Variants in COL28A1 observed in about 807,000 individuals in gnomAD.
COL28A1 encodes collagen type XXVIII alpha 1 chain.
Under a neutral mutation model 150.2 loss-of-function variants are expected in COL28A1, and 161 were observed. The observed-to-expected ratio is 1.07, with a 90% CI of 0.94 to 1.22. The LOEUF is 1.22. COL28A1 is among the 50% of genes most tolerant of loss of function. The probability of loss-of-function intolerance (pLI) is 0.00; values close to 1 mark genes in which losing one functional copy is unlikely to be tolerated. For missense variants in COL28A1, 1,617 were observed against 1,388.3 expected, an observed-to-expected ratio of 1.16 and a Z score of -2.62; for synonymous variants, 552 against 469.7, an observed-to-expected ratio of 1.18 and a Z score of -2.26.
intron 7 of COL28A1, 39 bp from the exon 8 acceptor site, chr7:7,515,879 C>G (rs746335222): frequency 2.3e-6 from 2 of 856,480 alleles, no homozygotes; most frequent in Non-Finnish European, 2.0e-6. Flanking sequence ...ATATGATACT[C>G]TGAGGCAGAA....
intron 27 of COL28A1, among the ~76,000 whole-genome samples, chr7:7,413,420 A>C (rs1783893653): frequency 6.6e-6 from 1 of 152,194 alleles, no homozygotes; most frequent in Admixed American, 6.5e-5. Flanking sequence ...ACTCTTCACC[A>C]AACTTCTGGT....
chr7:7,395,896 T>A (rs572082673), intron 27 of COL28A1, among the ~76,000 whole-genome samples: 1 of 152,316 alleles, frequency 6.6e-6, no homozygotes, highest in African/African-American at 2.4e-5. Flanking sequence ...TTGAAAGTGG[T>A]GTGTGAAAGC....
At chr7:7,391,796 C>A (rs1483755960) in intron 27 of COL28A1, among the ~76,000 whole-genome samples, 1 of 113,412 alleles carries the variant, frequency 8.8e-6, no homozygotes, top group East Asian at 2.6e-4. Context: ...GGATTGCAAC[C>A]CCTGCTTTTT....
At chr7:7,542,560 GAC>G in the COL28A1 span, among the ~76,000 whole-genome samples, 1 of 152,178 alleles carries the variant, frequency 6.6e-6, no homozygotes, top group Non-Finnish European at 1.5e-5. Context: ...CTATAAAAGA[GAC>G]TTACACAGAG....
chr7:7,386,240 G>A (rs898817650), intron 27 of COL28A1, among the ~76,000 whole-genome samples: 4 of 152,132 alleles, frequency 2.6e-5, no homozygotes, highest in Admixed American at 6.6e-5. Flanking sequence ...TGATACGTCA[G>A]GAAACAATGA....
At chr7:7,485,421 T>C (rs1330983162) in intron 13 of COL28A1, among the ~76,000 whole-genome samples, 2 of 152,188 alleles carry the variant, frequency 1.3e-5, no homozygotes, top group Non-Finnish European at 2.9e-5. Context: ...CTTGTCTCTT[T>C]ATACCCTTAA....
chr7:7,390,691 G>C (rs1447631185), intron 27 of COL28A1, among the ~76,000 whole-genome samples: 5 of 152,126 alleles, frequency 3.3e-5, no homozygotes, highest in African/African-American at 4.8e-5. Context: ...TCTGTTCGAG[G>C]ATTCAACTTC....
At chr7:7,464,570 C>T (rs1787912488) in intron 15 of COL28A1, among the ~76,000 whole-genome samples, 1 of 152,142 alleles carries the variant, frequency 6.6e-6, no homozygotes, top group Non-Finnish European at 1.5e-5. Context: ...ATCACTGGGT[C>T]AAAAATGAAA....
intron 13 of COL28A1, among the ~76,000 whole-genome samples, chr7:7,483,867 A>G (rs1021013314): frequency 1.3e-5 from 2 of 152,170 alleles, no homozygotes; most frequent in Non-Finnish European, 2.9e-5. Flanking sequence ...CAGATTTTAA[A>G]AAATAACTAA....
At chr7:7,429,939 T>C (rs1313262562) in intron 25 of COL28A1, among the ~76,000 whole-genome samples, 1 of 152,144 alleles carries the variant, frequency 6.6e-6, no homozygotes, top group Admixed American at 6.5e-5. Flanking sequence ...TATTAGCCAT[T>C]TCAAAAAAAA....
At chr7:7,344,513 C>T in the COL28A1 span, among the ~76,000 whole-genome samples, 1 of 152,192 alleles carries the variant, frequency 6.6e-6, no homozygotes, top group East Asian at 1.9e-4. Flanking sequence ...AAATTTGCAA[C>T]AATATAGTTT....
intron 15 of COL28A1, among the ~76,000 whole-genome samples, chr7:7,472,111 C>A (rs755278839): frequency 6.6e-6 from 1 of 152,124 alleles, no homozygotes; most frequent in African/African-American, 2.4e-5. Flanking sequence ...AGAACTGGAA[C>A]AAGACAAGGA....
chr7:7,486,854 A>G (rs1290432878), intron 13 of COL28A1, among the ~76,000 whole-genome samples: 1 of 152,160 alleles, frequency 6.6e-6, no homozygotes, highest in East Asian at 1.9e-4. Flanking sequence ...GCATGTTGTT[A>G]AGAATTTTTA....
Position 7,374,667 on chromosome 7 carries a change from A to C in COL28A1, c.2359+794T>G, listed in dbSNP as rs374925992. Among the ~76,000 whole-genome samples, 129 of 152,296 alleles carry C rather than the reference A, an allele frequency of 8.5e-4. 3 individuals carry two copies. In the South Asian group the frequency reaches 0.025, roughly 30 times the overall value. ...CTTCCTGTTGTTCAACAAGCCTGCC[A>C]CAGAAAACCATCAGGAAATCATGTG... is the stretch of plus-strand genomic sequence containing the variant. On this transcript the variant is annotated intron_variant, in intron 31 of 34. Coordinates refer to ENST00000399429, the MANE Select transcript of COL28A1 (RefSeq NM_001037763.3).
intron 13 of COL28A1, among the ~76,000 whole-genome samples, chr7:7,483,206 T>TAA (rs962619364): frequency 3.4e-4 from 52 of 152,296 alleles, no homozygotes; most frequent in African/African-American, 1.2e-3. Context: ...CCTCATAAAG[T>TAA]AAAAATATAT....
intron 27 of COL28A1, among the ~76,000 whole-genome samples, chr7:7,396,095 G>A (rs951662707): frequency 1.3e-5 from 2 of 152,124 alleles, no homozygotes; most frequent in East Asian, 1.9e-4. Context: ...AGAAGGTAAA[G>A]GTATTTCTCA....
chr7:7,374,038 A>AAAAATATAT lies in COL28A1; in HGVS notation c.2360-493_2360-492insATATATTTT. Among the ~76,000 whole-genome samples the AAAAATATAT allele has an allele frequency of 1.8e-5, 2 of 113,658 alleles. 1 individual carries two copies. The highest frequency in any genetic ancestry group is 7.6e-5 in the African/African-American group (2 of 26,378). 74.6% of individuals were successfully genotyped at this position (113,658 alleles called of 152,430 possible). On this transcript the variant is annotated intron_variant, in intron 31 of 34. Coordinates refer to ENST00000399429, the MANE Select transcript of COL28A1 (RefSeq NM_001037763.3). The stretch of plus-strand genomic sequence containing the variant: ...TACTTGACTCTTAAAAAAAAAAAAA[A>AAAAATATAT]ATATATATATATATATATATATACT...
intron 15 of COL28A1, among the ~76,000 whole-genome samples, chr7:7,463,258 G>A (rs1475214742): frequency 6.6e-6 from 1 of 151,996 alleles, no homozygotes; most frequent in African/African-American, 2.4e-5. Context: ...TAAGAAGAAG[G>A]AAAGAATCTT....
chr7:7,458,518 A>G (rs1261371211), intron 15 of COL28A1, among the ~76,000 whole-genome samples: 1 of 152,188 alleles, frequency 6.6e-6, no homozygotes, highest in Non-Finnish European at 1.5e-5. Flanking sequence ...AAATATATAG[A>G]ACCTGCACTA....
Sources: gnomAD v4.1 joint callset for allele counts (sites outside exome capture counted in the v4.1 genomes callset) on GRCh38, gnomAD v4.1.1 for gene constraint, MANE v1.5 for transcripts, NCBI Gene and HGNC (gene_info 2026-07-23, HGNC 2026-07-21) for gene names.